Variants in CTBP2 observed in about 807,000 individuals in gnomAD.
CTBP2 encodes the protein C-terminal-binding protein 2.
A neutral mutation model predicts 80.3 loss-of-function variants in CTBP2; 30 were observed. The observed-to-expected ratio is 0.37, with a 90% CI of 0.28 to 0.51. CTBP2 has a LOEUF of 0.51. Ranked by LOEUF, CTBP2 falls within the 20% of genes least tolerant of loss-of-function variation. The probability of loss-of-function intolerance (pLI) is 0.93; values close to 1 mark genes in which losing one functional copy is unlikely to be tolerated. For missense variants in CTBP2, 1,212 were observed against 1,375.3 expected (o/e 0.88, Z 1.88); for synonymous variants, 594 against 587.4 (o/e 1.01, Z -0.16).
At chr10:125,099,907 A>C (rs1227512957) in intron 2 of CTBP2, among the ~76,000 whole-genome samples, 1 of 152,200 alleles carries the variant, frequency 6.6e-6, no homozygotes, top group Non-Finnish European at 1.5e-5. Flanking sequence ...AAGCATCCTC[A>C]AAACAGGACT....
At chr10:125,114,189 G>A (rs552857653) in intron 1 of CTBP2, among the ~76,000 whole-genome samples, 3 of 152,258 alleles carry the variant, frequency 2.0e-5, no homozygotes, top group Admixed American at 6.5e-5. Context: ...ACCAGCAACC[G>A]CAGGAGCTGA....
At chr10:125,126,566 T>C (rs964061520) in intron 1 of CTBP2, among the ~76,000 whole-genome samples, 5 of 152,176 alleles carry the variant, frequency 3.3e-5, no homozygotes, top group African/African-American at 1.2e-4. Context: ...CCGAAATACA[T>C]GGCAGGGCCA....
rs1055673749 is a variant in CTBP2, at chr10:124,986,980, AT to A, written c.*2537del. ...TGAGCGCTCTATTATTTATTTATTT[AT>A]TATCAATCAGTGACCCTGACCACAT... On this transcript the variant is annotated 3_prime_UTR_variant, in exon 9 of 9. Coordinates refer to ENST00000309035, the MANE Select transcript of CTBP2 (RefSeq NM_022802.3). 6.7e-6 allele frequency: 1 copy of A among 148,280 alleles called. No individual in the cohort carries two copies. The highest frequency in any genetic ancestry group is 1.5e-5 in the Non-Finnish European group (1 of 66,188). 9.2% of individuals were successfully genotyped at this position (148,280 alleles called of 1,614,324 possible).
chr10:124,995,556 C>A (rs1435772859), intron 4 of CTBP2, among the ~76,000 whole-genome samples: 2 of 152,202 alleles, frequency 1.3e-5, no homozygotes, highest in African/African-American at 4.8e-5. Flanking sequence ...CATTTCCGAG[C>A]AGGCAGCCTG....
chr10:125,012,597 T>C, intron 1 of CTBP2, among the ~76,000 whole-genome samples: 1 of 152,180 alleles, frequency 6.6e-6, no homozygotes, highest in Non-Finnish European at 1.5e-5. Context: ...TCCAAGCCTC[T>C]GTGGAAGAGA....
At chr10:125,043,640 G>A (rs1055248238) in intron 2 of CTBP2, among the ~76,000 whole-genome samples, 6 of 152,044 alleles carry the variant, frequency 3.9e-5, no homozygotes, top group African/African-American at 1.4e-4. Context: ...GTTTCACCGT[G>A]TTAGCCAGGA....
At chr10:125,058,121 C>G (rs1445231925) in intron 2 of CTBP2, among the ~76,000 whole-genome samples, 1 of 151,920 alleles carries the variant, frequency 6.6e-6, no homozygotes, top group Admixed American at 6.6e-5. Flanking sequence ...TTACAGGAGC[C>G]CTGACGGGGA....
Position 124,993,293 on chromosome 10 carries a change from G to C in CTBP2, c.2568C>G (p.Leu856=). The stretch of plus-strand genomic sequence containing the variant: ...ACCAGGCAGTGTGAGGAGTGCAGAT[G>C]AGATTCGGGGCATCTTTCAACGGAC... Residue 856 remains leucine (L), a synonymous_variant, in exon 7 of 9, where the codon CTC becomes CTG. Coordinates refer to ENST00000309035, the MANE Select transcript of CTBP2 (RefSeq NM_022802.3). The C allele has an allele frequency of 6.2e-7, 1 of 1,610,410 alleles. No homozygotes were observed. Among genetic ancestry groups the C allele is most frequent in the South Asian group, 1.1e-5 (1 of 90,972 alleles).
intron 1 of CTBP2, among the ~76,000 whole-genome samples, chr10:125,139,529 C>A (rs957863092): frequency 6.6e-6 from 1 of 152,038 alleles, no homozygotes; most frequent in African/African-American, 2.4e-5. Context: ...AGACTGTCTG[C>A]CTTGTTTTTT....
At chr10:125,152,669 T>C (rs184661099) in intron 1 of CTBP2, among the ~76,000 whole-genome samples, 12 of 152,336 alleles carry the variant, frequency 7.9e-5, no homozygotes, top group Admixed American at 3.9e-4. Context: ...TTGGTATCTG[T>C]ACAGCAAAAT....
rs750432044 is a variant in CTBP2 at position 125,027,200 on chromosome 10, C to T, written c.560G>A (p.Gly187Glu). ...GTCGGGCTGCTCCCGTCCATACCGCCCGGGAGATGCAGCCCTGCTCTGTGT... is the reference window on the plus strand; with the variant it reads ...GTCGGGCTGCTCCCGTCCATACCGCTCGGGAGATGCAGCCCTGCTCTGTGT... The change falls in exon 1 of 9, where the codon GGG (glycine) becomes GAG (glutamate). Residue 187 changes from glycine to glutamate, a missense_variant. Gly to Glu is a moderately conservative substitution (Grantham distance 98, BLOSUM62 -2). Coordinates refer to ENST00000309035, the MANE Select transcript of CTBP2 (RefSeq NM_022802.3). 8.1e-6 allele frequency: 13 copies of T among 1,609,842 alleles called. No homozygotes were observed. Among genetic ancestry groups the T allele is most frequent in the Admixed American group, 1.7e-5 (1 of 59,942 alleles).
At chr10:125,001,480 G>A (rs1304245492) in intron 3 of CTBP2, 1 of 152,200 alleles carries the variant, frequency 6.6e-6, no homozygotes, top group East Asian at 1.9e-4. Context: ...TATTAAACAC[G>A]CCTTTGAAGA....
In CTBP2 at chr10:124,997,391, C is replaced by T. The variant is rs555629471; in HGVS notation, c.2185+573G>A. 14 of 157,594 alleles carry T rather than the reference C, an allele frequency of 8.9e-5. 1 individual carries two copies. Among genetic ancestry groups the T allele is most frequent in the Admixed American group, 6.6e-4 (11 of 16,770 alleles). The allele number at this position is 157,594 out of a possible 1,614,324, so 9.8% of individuals were successfully genotyped here. A position where few individuals can be genotyped will look rare whatever the true frequency, so the allele number is the denominator to read the frequency against. On this transcript the variant is annotated intron_variant, in intron 4 of 8. Transcript: ENST00000309035. ...CATGGAATCAGGCTGCTTACCATCA[C>T]CTTCTCCGTGGCACCGGCCCCTACC...
rs112641404 is a variant in CTBP2 at position 125,124,095 on chromosome 10, C to T, written c.-205-13002G>A. ...ACGCTGGGCTGGCCGGCTTCCAACA[C>T]CCAGCTTGCTCAAAGAAAGTTCTAG... On this transcript the variant is annotated intron_variant, in intron 1 of 10. Coordinates refer to the CTBP2 transcript ENST00000337195. 3.4e-3 allele frequency among the ~76,000 whole-genome samples: 521 copies of T among 152,326 alleles called. 1 individual carries two copies. The highest frequency in any genetic ancestry group is 0.012 in the African/African-American group (493 of 41,592).
rs755519152 is a variant in CTBP2 at position 125,026,681 on chromosome 10, C to T, written c.1079G>A (p.Arg360Gln). The T allele has an allele frequency of 2.9e-5, 46 of 1,608,632 alleles. No homozygotes were observed. Among genetic ancestry groups the T allele is most frequent in the Admixed American group, 2.5e-4 (15 of 59,506 alleles). ...CCGCGCCCGGGGCAGCGGGCCCCCC[C>T]GGTCCTGCCTCCGCAGCTGCATTTC... Residue 360 changes from arginine to glutamine, a missense_variant, in exon 1 of 9, where the codon CGG becomes CAG. Around this residue, in one of 3 missense-constraint regions of CTBP2, gnomAD observed 848 missense variants for 782.3 expected, o/e 1.08. Coordinates refer to ENST00000309035, the MANE Select transcript of CTBP2 (RefSeq NM_022802.3).
chr10:125,160,126 A>AG (rs967643259), intron 1 of CTBP2, 193 bp downstream of exon 1: 1 of 146,362 alleles, frequency 6.8e-6, no homozygotes. Flanking sequence ...CCGGGCGCCG[A>AG]GGGGGGACAC....
At position 125,026,845 on chromosome 10, in the gene CTBP2, G is replaced by C. The variant is rs760455973; in HGVS notation, c.915C>G (p.Ala305=). The change falls in exon 1 of 9, where the codon GCC becomes GCG. Residue 305 remains alanine (A), a synonymous_variant. Transcript: ENST00000309035. ...CCTGCTGCAGTAGGGCTCCCAGCGT[G>C]GCCTCTGCCAGCCCCTCCGCCCGCA... The C allele has an allele frequency of 3.8e-5, 62 of 1,613,518 alleles. 1 individual carries two copies. In the South Asian group the frequency reaches 6.6e-4, roughly 17 times the overall value.
intron 2 of CTBP2, among the ~76,000 whole-genome samples, chr10:125,088,964 T>C (rs1848388951): frequency 6.6e-6 from 1 of 152,230 alleles, no homozygotes; most frequent in Non-Finnish European, 1.5e-5. Flanking sequence ...ACTTTCTTCA[T>C]GCATCACGTG....
At chr10:125,133,720 G>GT (rs1158849794) in intron 1 of CTBP2, 7 of 152,184 alleles carry the variant, frequency 4.6e-5, no homozygotes, top group Admixed American at 4.6e-4. Flanking sequence ...TGAAATGACT[G>GT]TTTTTGCCTT....
Sources: gnomAD v4.1 joint callset for allele counts (sites outside exome capture counted in the v4.1 genomes callset) on GRCh38, gnomAD v4.1.1 for gene constraint, gnomAD v4.1.1 regional missense constraint, MANE v1.5 for transcripts, NCBI Gene and HGNC (gene_info 2026-07-23, HGNC 2026-07-21) for gene names.